The following WWOX variants were observed in gnomAD, a reference collection of about 807,000 sequenced individuals.
WWOX encodes WW domain-containing oxidoreductase.
WWOX carries 69 observed loss-of-function variants against 46.2 expected under a neutral mutation model. The observed-to-expected ratio is 1.49, with a 90% CI of 1.23 to 1.82. WWOX has a LOEUF of 1.82. Among genes scored for constraint, WWOX ranks in the 40% most tolerant of loss-of-function variants. WWOX has a pLI of 0.00. For missense variants in WWOX, 919 were observed against 542.6 expected (o/e 1.69, Z -6.89); for synonymous variants, 359 against 202.6 (o/e 1.77, Z -6.56).
intron 8 of WWOX, among the ~76,000 whole-genome samples, chr16:78,869,070 A>C (rs1247320478): frequency 6.6e-6 from 1 of 152,152 alleles, no homozygotes. Flanking sequence ...AGAGATAACC[A>C]CTGTATGTTT....
chr16:78,696,677 A>C (rs537945343), intron 8 of WWOX, among the ~76,000 whole-genome samples: 16 of 151,078 alleles, frequency 1.1e-4, no homozygotes, highest in South Asian at 1.1e-3. Context: ...TTAAATTTCC[A>C]CCTGTTTTGG....
At chr16:78,158,795 A>C (rs1057410471) in intron 4 of WWOX, among the ~76,000 whole-genome samples, 3 of 152,184 alleles carry the variant, frequency 2.0e-5, no homozygotes, top group Non-Finnish European at 2.9e-5. Flanking sequence ...AAGTTTGGAG[A>C]TAAGTATATA....
chr16:78,968,142 ACAGCG>A (rs2046399807), intron 8 of WWOX, among the ~76,000 whole-genome samples: 5 of 150,710 alleles, frequency 3.3e-5, no homozygotes, highest in Non-Finnish European at 7.4e-5. Flanking sequence ...TCCGTGTGGC[ACAGCG>A]CGTGGTCCGC....
At chr16:78,407,874 C>G (rs1438662240) in intron 6 of WWOX, among the ~76,000 whole-genome samples, 2 of 152,214 alleles carry the variant, frequency 1.3e-5, no homozygotes, top group Non-Finnish European at 2.9e-5. Context: ...ACATTGATTA[C>G]TGTCTACTGT....
At chr16:78,359,450 T>G (rs2081364219) in intron 5 of WWOX, among the ~76,000 whole-genome samples, 1 of 152,156 alleles carries the variant, frequency 6.6e-6, no homozygotes, top group Non-Finnish European at 1.5e-5. Context: ...AGGAGCACAT[T>G]TAGAAAACAT....
intron 8 of WWOX, among the ~76,000 whole-genome samples, chr16:78,981,561 C>T (rs749619613): frequency 2.0e-5 from 3 of 152,052 alleles, no homozygotes; most frequent in South Asian, 2.1e-4. Context: ...CCTCAGCCTC[C>T]CAAGTAGCTG....
At chr16:78,483,787 T>A (rs2667570) in intron 8 of WWOX, among the ~76,000 whole-genome samples, 1 of 151,882 alleles carries the variant, frequency 6.6e-6, no homozygotes, top group African/African-American at 2.4e-5. Context: ...AGGCTCTTCT[T>A]GTTTATTTAT....
At chr16:78,854,809 C>T (rs1321488916) in intron 8 of WWOX, among the ~76,000 whole-genome samples, 4 of 152,160 alleles carry the variant, frequency 2.6e-5, no homozygotes, top group South Asian at 4.2e-4. Flanking sequence ...GTTGAACCCC[C>T]GACCTCAGGT....
intron 5 of WWOX, among the ~76,000 whole-genome samples, chr16:78,353,020 A>G (rs1392659540): frequency 6.6e-6 from 1 of 152,202 alleles, no homozygotes; most frequent in Admixed American, 6.5e-5. Context: ...TGGGTAATTT[A>G]TTCGTCTTTC....
chr16:78,811,529 CT>C (rs1221301756), intron 8 of WWOX, among the ~76,000 whole-genome samples: 1 of 151,548 alleles, frequency 6.6e-6, no homozygotes, highest in African/African-American at 2.4e-5. Flanking sequence ...TTCTCTCTCT[CT>C]TTCCCCCTTT....
chr16:79,209,814 G>A (rs761155207), intron 8 of WWOX, among the ~76,000 whole-genome samples: 70 of 152,184 alleles, frequency 4.6e-4, no homozygotes, highest in Non-Finnish European at 2.1e-4. Context: ...ACCCCTTGAA[G>A]TTGTTTAGAT....
chr16:78,867,021 G>T (rs866033389), intron 8 of WWOX, among the ~76,000 whole-genome samples: 1 of 152,216 alleles, frequency 6.6e-6, no homozygotes, highest in Non-Finnish European at 1.5e-5. Flanking sequence ...TGCAGGCTGG[G>T]TCTAGTCCTT....
chr16:78,418,782 G>A (rs1056435715), intron 6 of WWOX, among the ~76,000 whole-genome samples: 36 of 152,086 alleles, frequency 2.4e-4, no homozygotes, highest in African/African-American at 8.7e-4. Flanking sequence ...TTGGAACAAA[G>A]TGGCATTTTC....
At chr16:78,304,329 T>C (rs1293821746) in intron 5 of WWOX, among the ~76,000 whole-genome samples, 2 of 152,246 alleles carry the variant, frequency 1.3e-5, no homozygotes, top group Non-Finnish European at 1.5e-5. Context: ...GTTAATGCAT[T>C]GACATTGTTC....
At chr16:78,559,096 G>T (rs1031580693) in intron 8 of WWOX, among the ~76,000 whole-genome samples, 1 of 152,194 alleles carries the variant, frequency 6.6e-6, no homozygotes, top group South Asian at 2.1e-4. Flanking sequence ...GCTTGGGAGA[G>T]GGACAGTAGT....
intron 5 of WWOX, among the ~76,000 whole-genome samples, chr16:78,174,437 C>A (rs1405639631): frequency 1.3e-5 from 2 of 152,158 alleles, no homozygotes; most frequent in Non-Finnish European, 2.9e-5. Flanking sequence ...AGATATAATT[C>A]AAGTTGAGAT....
At chr16:78,665,920 A>T (rs1396216483) in intron 8 of WWOX, among the ~76,000 whole-genome samples, 6 of 151,830 alleles carry the variant, frequency 4.0e-5, no homozygotes. Flanking sequence ...CCTGACTTCA[A>T]GTGATCTGCC....
intron 8 of WWOX, among the ~76,000 whole-genome samples, chr16:78,738,650 C>T (rs1414038204): frequency 2.0e-5 from 3 of 152,108 alleles, no homozygotes; most frequent in Non-Finnish European, 2.9e-5. Context: ...TTTAAATCAT[C>T]CTCATTTCCT....
intron 8 of WWOX, among the ~76,000 whole-genome samples, chr16:78,910,774 A>G (rs2045089464): frequency 6.6e-6 from 1 of 151,856 alleles, no homozygotes; most frequent in Non-Finnish European, 1.5e-5. Context: ...TCACAGAAAC[A>G]ACATGGCAAA....
Sources: allele counts gnomAD v4.1 joint callset (sites outside exome capture counted in the v4.1 genomes callset), GRCh38; gene constraint gnomAD v4.1.1; transcripts MANE v1.5; gene names NCBI Gene and HGNC (gene_info 2026-07-23, HGNC 2026-07-21).